The following HS3ST4 variants were observed in gnomAD, a reference collection of about 807,000 sequenced individuals.
The protein encoded by HS3ST4 is heparan sulfate-glucosamine 3-sulfotransferase 4.
Under a neutral mutation model 29.2 loss-of-function variants are expected in HS3ST4, and 17 were observed. The ratio of observed to expected loss-of-function variants is 0.58; its 90% CI spans 0.40 to 0.87. The LOEUF (loss-of-function observed/expected upper bound fraction) is 0.87. HS3ST4 is among the 40% of genes least tolerant of loss of function. HS3ST4 has a pLI of 0.00. For synonymous variants in HS3ST4, 314 were observed against 285.7 expected (o/e 1.10, Z -1.00); for missense variants, 627 against 634.5 (o/e 0.99, Z 0.13).
intron 1 of HS3ST4, among the ~76,000 whole-genome samples, chr16:25,749,165 C>T (rs1463266642): frequency 6.6e-6 from 1 of 152,084 alleles, no homozygotes; most frequent in Non-Finnish European, 1.5e-5. Context: ...TAGGCTTTTT[C>T]ACCTTTAGAC....
chr16:25,907,899 C>G (rs1567269854), intron 1 of HS3ST4, among the ~76,000 whole-genome samples: 3 of 152,208 alleles, frequency 2.0e-5, no homozygotes. Context: ...TCCTTGGCTT[C>G]CTGGGAAGAT....
intron 1 of HS3ST4, among the ~76,000 whole-genome samples, chr16:25,951,135 C>T (rs1394913534): frequency 6.6e-6 from 1 of 152,160 alleles, no homozygotes; most frequent in Non-Finnish European, 1.5e-5. Flanking sequence ...TCATTTGGTG[C>T]TGGGTGGAAC....
chr16:25,817,416 A>G (rs536559694), intron 1 of HS3ST4, among the ~76,000 whole-genome samples: 1 of 152,378 alleles, frequency 6.6e-6, no homozygotes, highest in East Asian at 1.9e-4. Flanking sequence ...CGTTGCGGCT[A>G]CTTAACTCTG....
chr16:26,110,798 T>A (rs1899118427), intron 1 of HS3ST4, among the ~76,000 whole-genome samples: 1 of 152,094 alleles, frequency 6.6e-6, no homozygotes, highest in Non-Finnish European at 1.5e-5. Context: ...TTGCACTACC[T>A]CTCTGATCTC....
At chr16:26,089,365 T>C (rs755538767) in intron 1 of HS3ST4, among the ~76,000 whole-genome samples, 6 of 152,156 alleles carry the variant, frequency 3.9e-5, no homozygotes, top group African/African-American at 7.2e-5. Flanking sequence ...ACAGTACTGA[T>C]AAAGCATGTA....
At chr16:26,023,873 G>T (rs1969440304) in intron 1 of HS3ST4, among the ~76,000 whole-genome samples, 1 of 152,206 alleles carries the variant, frequency 6.6e-6, no homozygotes, top group South Asian at 2.1e-4. Context: ...GAATTATTGA[G>T]ATTGAGTCTC....
chr16:25,828,289 TTTCTTTCTTTCC>T lies in HS3ST4; in HGVS notation c.734+135139_734+135150del, dbSNP rs1188383530. Among the ~76,000 whole-genome samples the T allele has an allele frequency of 5.1e-3, 479 of 94,536 alleles. 36 individuals are homozygous for T. Among genetic ancestry groups the T allele is most frequent in the African/African-American group, 0.018 (405 of 22,320 alleles). 62.0% of individuals were successfully genotyped at this position (94,536 alleles called of 152,430 possible). A position where few individuals can be genotyped will look rare whatever the true frequency, so the allele number is the denominator to read the frequency against. ...CTTTCTTTCTTTCTTTCTTTCTTTCTTTCTTTCTTTCCCTCTCTCTCTCTCTCTCTCTCTCTC... is the reference window on the plus strand; with the variant it reads ...CTTTCTTTCTTTCTTTCTTTCTTTCTCTCTCTCTCTCTCTCTCTCTCTCTC... On this transcript the variant is annotated intron_variant, in intron 1 of 1. Coordinates refer to ENST00000331351, the MANE Select transcript of HS3ST4 (RefSeq NM_006040.3).
chr16:26,134,341 TC>T (rs1898249838), intron 1 of HS3ST4, among the ~76,000 whole-genome samples: 1 of 111,006 alleles, frequency 9.0e-6, no homozygotes, highest in East Asian at 2.4e-4. Flanking sequence ...TCTTTTCTTT[TC>T]TTTTCTTTTC....
At chr16:25,731,631 A>G (rs532541855) in intron 1 of HS3ST4, among the ~76,000 whole-genome samples, 1 of 152,216 alleles carries the variant, frequency 6.6e-6, no homozygotes, top group South Asian at 2.1e-4. Flanking sequence ...GTGAGCCACC[A>G]CACTTGACCT....
chr16:25,870,107 TATCC>T (rs1967734260), intron 1 of HS3ST4, among the ~76,000 whole-genome samples: 1 of 148,650 alleles, frequency 6.7e-6, no homozygotes, highest in Non-Finnish European at 1.5e-5. Context: ...TCTGTCCATC[TATCC>T]ACCCTTCATT....
intron 1 of HS3ST4, among the ~76,000 whole-genome samples, chr16:25,787,733 C>G (rs28401507): frequency 6.6e-6 from 1 of 151,922 alleles, no homozygotes; most frequent in Admixed American, 6.6e-5. Flanking sequence ...CTTGGACTCT[C>G]GATTTTATGT....
intron 1 of HS3ST4, among the ~76,000 whole-genome samples, chr16:25,818,777 T>C (rs1315611625): frequency 6.6e-6 from 1 of 152,236 alleles, no homozygotes; most frequent in Non-Finnish European, 1.5e-5. Context: ...TCATGTTTGA[T>C]TGTTCAGTTC....
chr16:25,901,811 C>G (rs1401415025), intron 1 of HS3ST4, among the ~76,000 whole-genome samples: 2 of 152,222 alleles, frequency 1.3e-5, no homozygotes, highest in African/African-American at 2.4e-5. Flanking sequence ...TTCTTGTCCT[C>G]TCACCACTCC....
chr16:25,789,434 C>CCTTA, intron 1 of HS3ST4, among the ~76,000 whole-genome samples: 1 of 102,702 alleles, frequency 9.7e-6, no homozygotes, highest in South Asian at 3.6e-4. Flanking sequence ...TTCCTTCCTT[C>CCTTA]CTTCCTTCCT....
intron 1 of HS3ST4, among the ~76,000 whole-genome samples, chr16:25,944,922 C>T (rs1006548094): frequency 2.6e-5 from 4 of 152,202 alleles, no homozygotes; most frequent in African/African-American, 7.2e-5. Context: ...CCTTGGCTTC[C>T]ATGTTACTCA....
At chr16:25,937,301 C>T (rs937699932) in intron 1 of HS3ST4, among the ~76,000 whole-genome samples, 3 of 152,156 alleles carry the variant, frequency 2.0e-5, no homozygotes, top group African/African-American at 7.2e-5. Flanking sequence ...ACATTCTGTC[C>T]TACTATTATC....
chr16:25,695,633 G>A (rs1379685930), intron 1 of HS3ST4, among the ~76,000 whole-genome samples: 1 of 152,204 alleles, frequency 6.6e-6, no homozygotes, highest in East Asian at 1.9e-4. Flanking sequence ...GCACTGATCA[G>A]TGGCATCGAT....
intron 1 of HS3ST4, 142 bp from the exon 2 acceptor site, chr16:26,135,470 A>T: frequency 1.3e-6 from 1 of 778,062 alleles, no homozygotes; most frequent in Non-Finnish European, 2.0e-6. Context: ...CAGGAGATAT[A>T]GGTAAGAAGA....
intron 1 of HS3ST4, among the ~76,000 whole-genome samples, chr16:26,120,244 A>G (rs1038552370): frequency 2.6e-5 from 4 of 152,124 alleles, no homozygotes; most frequent in Non-Finnish European, 5.9e-5. Context: ...TCCCTCTGTT[A>G]TATGATCAGA....
Sources: allele counts gnomAD v4.1 joint callset (sites outside exome capture counted in the v4.1 genomes callset), GRCh38; gene constraint gnomAD v4.1.1; transcripts MANE v1.5; gene names NCBI Gene and HGNC (gene_info 2026-07-23, HGNC 2026-07-21).